STK3: variants seen among roughly 807,000 people sequenced by gnomAD.
STK3 encodes serine/threonine kinase 3.
In STK3, 41 loss-of-function variants were observed where a neutral mutation model predicts 58.0. The observed-to-expected ratio is 0.71, with a 90% confidence interval of 0.55 to 0.92. The LOEUF is 0.92. Among genes scored for constraint, STK3 ranks in the 40% least tolerant of loss-of-function variants. STK3 has a pLI of 0.00. For synonymous variants in STK3, 170 were observed against 191.0 expected (o/e 0.89, Z 0.91); for missense variants, 479 against 602.7 (o/e 0.79, Z 2.15).
At chr8:98,356,155 C>T in the STK3 span, among the ~76,000 whole-genome samples, 1 of 152,226 alleles carries the variant, frequency 6.6e-6, no homozygotes, top group Admixed American at 6.5e-5. Context: ...CTTGAAGATT[C>T]TAACTCACAA....
At chr8:98,617,979 C>G (rs1403176179) in intron 6 of STK3, among the ~76,000 whole-genome samples, 1 of 152,112 alleles carries the variant, frequency 6.6e-6, no homozygotes, top group Non-Finnish European at 1.5e-5. Context: ...CAGCATCATT[C>G]TGATACCAAA....
At chr8:98,598,580 G>T (rs1392945230) in intron 6 of STK3, 1 of 985,194 alleles carries the variant, frequency 1.0e-6, no homozygotes, top group East Asian at 1.1e-4. Flanking sequence ...AACCACAGAG[G>T]ATCCTCTTAA....
intron 8 of STK3, among the ~76,000 whole-genome samples, chr8:98,556,546 C>T (rs892070911): frequency 6.6e-6 from 1 of 151,938 alleles, no homozygotes; most frequent in Non-Finnish European, 1.5e-5. Flanking sequence ...TAACCGAGAA[C>T]AAAAGTAGAA....
intron 6 of STK3, among the ~76,000 whole-genome samples, chr8:98,641,145 GCTA>G (rs1381051290): frequency 1.3e-5 from 2 of 151,992 alleles, no homozygotes; most frequent in African/African-American, 4.8e-5. Flanking sequence ...CTTTCTAGTG[GCTA>G]CTAACATACA....
At chr8:98,911,257 A>G (rs184703863) in intron 1 of STK3, among the ~76,000 whole-genome samples, 66 of 152,348 alleles carry the variant, frequency 4.3e-4, no homozygotes, top group African/African-American at 1.3e-3. Context: ...TAGATAAATT[A>G]GGTAGACCAC....
intron 3 of STK3, chr8:98,427,906 G>A: frequency 1.5e-6 from 2 of 1,305,512 alleles, no homozygotes; most frequent in Admixed American, 2.9e-5. Flanking sequence ...GGCGCACGGC[G>A]CTCTCGCCGA....
At chr8:98,614,839 A>G (rs540680057) in intron 6 of STK3, among the ~76,000 whole-genome samples, 1 of 152,260 alleles carries the variant, frequency 6.6e-6, no homozygotes, top group South Asian at 2.1e-4. Flanking sequence ...TTGCTAGCAC[A>G]AAGCAGTCTG....
intron 1 of STK3, among the ~76,000 whole-genome samples, chr8:98,821,290 G>A (rs1196163803): frequency 6.6e-6 from 1 of 152,090 alleles, no homozygotes; most frequent in Admixed American, 6.5e-5. Flanking sequence ...TCTAACTATT[G>A]CCTGATGATC....
intron 10 of STK3, among the ~76,000 whole-genome samples, chr8:98,487,160 GA>G (rs1350782158): frequency 6.6e-6 from 1 of 152,174 alleles, no homozygotes; most frequent in African/African-American, 2.4e-5. Flanking sequence ...TTATCACCAA[GA>G]AGGTCTGAGT....
intron 4 of STK3, among the ~76,000 whole-genome samples, chr8:98,734,966 A>C (rs986212224): frequency 6.6e-6 from 1 of 152,152 alleles, no homozygotes; most frequent in African/African-American, 2.4e-5. Context: ...ACACATATAT[A>C]ACTTTTGTAA....
intron 3 of STK3, among the ~76,000 whole-genome samples, chr8:98,843,421 T>G (rs1335061586): frequency 1.3e-5 from 2 of 152,238 alleles, no homozygotes; most frequent in Non-Finnish European, 2.9e-5. Context: ...GTTTATTCAC[T>G]TGTTTTATGT....
chr8:98,851,377 G>A (rs1380965263), intron 3 of STK3, among the ~76,000 whole-genome samples: 2 of 152,170 alleles, frequency 1.3e-5, no homozygotes, highest in Non-Finnish European at 2.9e-5. Flanking sequence ...TTGTGGCAAG[G>A]TCATGGTTGA....
At chr8:98,557,128 A>G (rs1292090509) in intron 8 of STK3, among the ~76,000 whole-genome samples, 1 of 152,124 alleles carries the variant, frequency 6.6e-6, no homozygotes, top group Non-Finnish European at 1.5e-5. Flanking sequence ...GATGAGCACA[A>G]AACTGGGGAA....
intron 1 of STK3, among the ~76,000 whole-genome samples, chr8:98,921,738 T>C (rs180812226): frequency 6.6e-6 from 1 of 152,102 alleles, no homozygotes; most frequent in Admixed American, 6.6e-5. Context: ...ATCACCCAGG[T>C]TGGAGTGCAG....
intron 10 of STK3, among the ~76,000 whole-genome samples, chr8:98,517,360 G>A (rs1825013287): frequency 1.3e-5 from 2 of 151,934 alleles, no homozygotes; most frequent in Non-Finnish European, 2.9e-5. Context: ...CCTAATGAGG[G>A]CTTTCTATTT....
At chr8:98,664,825 G>T (rs928426597) in intron 6 of STK3, among the ~76,000 whole-genome samples, 1 of 151,898 alleles carries the variant, frequency 6.6e-6, no homozygotes, top group Non-Finnish European at 1.5e-5. Flanking sequence ...GCTTGAACCC[G>T]GGAGGCGGAG....
intron 8 of STK3, among the ~76,000 whole-genome samples, chr8:98,555,551 A>G (rs960480144): frequency 4.3e-4 from 66 of 152,262 alleles, no homozygotes; most frequent in African/African-American, 1.5e-3. Context: ...ATGCAATCAC[A>G]TAACAGCATA....
intron 7 of STK3, among the ~76,000 whole-genome samples, chr8:98,589,509 G>C (rs908999896): frequency 6.6e-6 from 1 of 152,242 alleles, no homozygotes; most frequent in Non-Finnish European, 1.5e-5. Flanking sequence ...AAAGCTGTCA[G>C]ACAGGGACAT....
At chr8:98,876,220 G>A (rs1837555359) in intron 3 of STK3, among the ~76,000 whole-genome samples, 1 of 152,162 alleles carries the variant, frequency 6.6e-6, no homozygotes, top group Non-Finnish European at 1.5e-5. Context: ...GCACGTTTAG[G>A]AACCTAGGGC....
Sources: allele counts gnomAD v4.1 joint callset (sites outside exome capture counted in the v4.1 genomes callset), GRCh38; gene constraint gnomAD v4.1.1; transcripts MANE v1.5; gene names NCBI Gene and HGNC (gene_info 2026-07-23, HGNC 2026-07-21).